The following SLC44A5 variants were observed in gnomAD, a reference collection of about 807,000 sequenced individuals.
SLC44A5 encodes solute carrier family 44 member 5, also known as choline transporter-like protein 5.
Under a neutral mutation model 101.8 loss-of-function variants are expected in SLC44A5, and 57 were observed. That is an observed-to-expected ratio of 0.56 (90% CI 0.45 to 0.70). SLC44A5 has a LOEUF of 0.70. SLC44A5 is among the 30% of genes least tolerant of loss of function. SLC44A5 has a pLI of 0.00. For synonymous variants in SLC44A5, 281 were observed against 290.9 expected, an observed-to-expected ratio of 0.97 and a Z score of 0.35; for missense variants, 737 against 853.1, an observed-to-expected ratio of 0.86 and a Z score of 1.70.
In SLC44A5 at chr1:75,500,873, C is replaced by G. The variant is rs866960480; in HGVS notation, c.13+40562G>C. Among the ~76,000 whole-genome samples the G allele has an allele frequency of 2.6e-5, 4 of 152,152 alleles. 1 individual carries two copies. The highest frequency in any genetic ancestry group is 4.1e-4 in the South Asian group (2 of 4,830). The stretch of plus-strand genomic sequence containing the variant: ...GAGTCTAGTCTTGAATGCCAACTCT[C>G]TCATTTTCTAGTTGTATGGCCTTGA... On this transcript the variant is annotated intron_variant, in intron 2 of 23. Transcript: ENST00000370859.
chr1:75,386,685 T>C (rs1323193199), intron 3 of SLC44A5, among the ~76,000 whole-genome samples: 1 of 152,092 alleles, frequency 6.6e-6, no homozygotes, highest in East Asian at 1.9e-4. Context: ...CCAATGACTT[T>C]CTTCACAGAA....
chr1:75,630,594 C>CTAT, the SLC44A5 span, among the ~76,000 whole-genome samples: 40,298 of 151,180 alleles, frequency 0.27, 6,511 homozygotes, highest in Middle Eastern at 0.4. Flanking sequence ...CCTTTTTTCA[C>CTAT]TATTATTATT....
intron 2 of SLC44A5, among the ~76,000 whole-genome samples, chr1:75,476,924 G>C (rs968874491): frequency 2.0e-5 from 3 of 152,244 alleles, no homozygotes; most frequent in Non-Finnish European, 4.4e-5. Flanking sequence ...CACAGCTGGA[G>C]ATCTGAGAAT....
the SLC44A5 span, among the ~76,000 whole-genome samples, chr1:75,707,437 A>G: frequency 2.0e-5 from 3 of 152,164 alleles, no homozygotes; most frequent in African/African-American, 7.2e-5. Flanking sequence ...CCTGGTCAAC[A>G]TAAGTAAACA....
intron 2 of SLC44A5, among the ~76,000 whole-genome samples, chr1:75,524,185 AG>A (rs1570521936): frequency 6.6e-6 from 1 of 152,126 alleles, no homozygotes; most frequent in African/African-American, 2.4e-5. Flanking sequence ...GTTGTTTAAA[AG>A]TGTGTGGCAC....
At chr1:75,592,523 C>T (rs1349590767) in intron 1 of SLC44A5, among the ~76,000 whole-genome samples, 1 of 151,896 alleles carries the variant, frequency 6.6e-6, no homozygotes, top group Non-Finnish European at 1.5e-5. Flanking sequence ...CCACAGAAGG[C>T]CCAGAATAGC....
chr1:75,411,647 C>A (rs1361284471), intron 2 of SLC44A5, among the ~76,000 whole-genome samples: 3 of 151,916 alleles, frequency 2.0e-5, no homozygotes, highest in African/African-American at 7.3e-5. Context: ...GAGAACAAAA[C>A]CATGATCCTC....
rs147933688 is a variant in SLC44A5, at chr1:75,501,587, CTT to C, written c.13+39846_13+39847del. Among the ~76,000 whole-genome samples, 883 of 152,290 alleles carry C rather than the reference CTT, an allele frequency of 5.8e-3. 4 individuals carry two copies. Among genetic ancestry groups the C allele is most frequent in the African/African-American group, 0.02 (846 of 41,552 alleles). On this transcript the variant is annotated intron_variant, in intron 2 of 23. Transcript: ENST00000370859. Reference sequence around the variant, plus strand: ...AAAGTTCAAAGCATTTTCAAATCCACTTTCTCATTATATTGAAAGAAACATGA... The same window carrying C: ...AAAGTTCAAAGCATTTTCAAATCCACTCTCATTATATTGAAAGAAACATGA...
chr1:75,413,149 T>C (rs1359817187), intron 2 of SLC44A5, among the ~76,000 whole-genome samples: 2 of 152,170 alleles, frequency 1.3e-5, no homozygotes, highest in Non-Finnish European at 2.9e-5. Context: ...CTATTTTTAA[T>C]CTCTTACTGT....
At chr1:75,598,275 A>G (rs186444963) in intron 1 of SLC44A5, among the ~76,000 whole-genome samples, 4 of 152,288 alleles carry the variant, frequency 2.6e-5, no homozygotes, top group Non-Finnish European at 5.9e-5. Flanking sequence ...CCAAAAAAAA[A>G]CAGATGCTGG....
chr1:75,383,855 C>A (rs1661092094), intron 3 of SLC44A5, among the ~76,000 whole-genome samples: 1 of 152,162 alleles, frequency 6.6e-6, no homozygotes, highest in Non-Finnish European at 1.5e-5. Flanking sequence ...AACAGCAGAT[C>A]TCTCAGCAGA....
chr1:75,265,875 G>T (rs1209887438), intron 6 of SLC44A5, among the ~76,000 whole-genome samples: 1 of 152,146 alleles, frequency 6.6e-6, no homozygotes, highest in African/African-American at 2.4e-5. Context: ...TTTTGTAGTA[G>T]CCAGTAGGTG....
chr1:75,528,305 C>G (rs1269292116), intron 2 of SLC44A5, among the ~76,000 whole-genome samples: 2 of 151,710 alleles, frequency 1.3e-5, no homozygotes, highest in African/African-American at 4.8e-5. Context: ...CAAGAACAGA[C>G]AAGACATTTC....
rs541334094 is a variant in SLC44A5, at chr1:75,482,276, G to T, written c.13+59159C>A. On this transcript the variant is annotated intron_variant, in intron 2 of 23. Transcript: ENST00000370859. The stretch of plus-strand genomic sequence containing the variant: ...CACACTCTAGGGACTGTTGTGGGGT[G>T]GGGGGACGGGGGAGGGATAGCATTA... 2.6e-5 allele frequency among the ~76,000 whole-genome samples: 4 copies of T among 151,860 alleles called. No homozygotes were observed. In the South Asian group the frequency reaches 8.4e-4, roughly 32 times the overall value.
chr1:75,420,803 G>T (rs536345417), intron 2 of SLC44A5, among the ~76,000 whole-genome samples: 1 of 151,910 alleles, frequency 6.6e-6, no homozygotes, highest in Non-Finnish European at 1.5e-5. Context: ...TCATATCAAA[G>T]GCCAAAATTA....
chr1:75,598,254 T>C (rs1264670791), intron 1 of SLC44A5, among the ~76,000 whole-genome samples: 1 of 152,070 alleles, frequency 6.6e-6, no homozygotes, highest in Non-Finnish European at 1.5e-5. Flanking sequence ...AGAATGGCTA[T>C]TATTAAGAAG....
At chr1:75,468,683 A>G (rs2101721454) in intron 2 of SLC44A5, among the ~76,000 whole-genome samples, 1 of 152,272 alleles carries the variant, frequency 6.6e-6, no homozygotes, top group East Asian at 1.9e-4. Flanking sequence ...AAAGGCAGCA[A>G]TGGGGTTTGG....
At chr1:75,403,061 G>C (rs780712667) in intron 2 of SLC44A5, among the ~76,000 whole-genome samples, 15 of 152,184 alleles carry the variant, frequency 9.9e-5, no homozygotes, top group Non-Finnish European at 2.2e-4. Context: ...TCCCCTCACA[G>C]TGTAAACAAA....
chr1:75,607,629 G>T (rs564084137), intron 1 of SLC44A5, among the ~76,000 whole-genome samples: 273 of 152,130 alleles, frequency 1.8e-3, no homozygotes, highest in Non-Finnish European at 3.1e-3. Flanking sequence ...TCATGGGAGG[G>T]ACCCAGTGGG....
Sources: allele counts gnomAD v4.1 joint callset (sites outside exome capture counted in the v4.1 genomes callset), GRCh38; gene constraint gnomAD v4.1.1; transcripts MANE v1.5; gene names NCBI Gene and HGNC (gene_info 2026-07-23, HGNC 2026-07-21).